The following ADK variants were observed in gnomAD, a reference collection of about 807,000 sequenced individuals.
The protein encoded by ADK is N6,N6-dimethyladenosine kinase.
Under a neutral mutation model 44.7 loss-of-function variants are expected in ADK, and 24 were observed. The ratio of observed to expected loss-of-function variants is 0.54; its 90% CI spans 0.39 to 0.76. ADK has a LOEUF of 0.76. Among genes scored for constraint, ADK ranks in the 30% least tolerant of loss-of-function variants. ADK has a pLI of 0.00. For missense variants in ADK, 321 were observed against 425.1 expected (o/e 0.76, Z 2.15); for synonymous variants, 128 against 142.6 (o/e 0.90, Z 0.73).
chr10:74,217,985 G>A lies in ADK; in HGVS notation c.141-6553G>A, dbSNP rs978735487. ...AGCACCTCTCCTCCTCCAAAGGATC[G>A]CAGTTCCTCACCAGCAATGGAACAA... is the stretch of plus-strand genomic sequence containing the variant. On this transcript the variant is annotated intron_variant, in intron 2 of 10. Transcript: ENST00000539909. 3.7e-4 allele frequency among the ~76,000 whole-genome samples: 57 copies of A among 152,248 alleles called. 2 individuals are homozygous for A. Among genetic ancestry groups the A allele is most frequent in the African/African-American group, 1.3e-3 (56 of 41,520 alleles).
intron 9 of ADK, among the ~76,000 whole-genome samples, chr10:74,603,764 C>G (rs1852224362): frequency 6.6e-6 from 1 of 152,138 alleles, no homozygotes; most frequent in Non-Finnish European, 1.5e-5. Context: ...GGTATATACC[C>G]AGTAATGAGA....
intron 4 of ADK, among the ~76,000 whole-genome samples, chr10:74,357,885 T>G (rs971835369): frequency 6.6e-5 from 10 of 152,178 alleles, no homozygotes; most frequent in African/African-American, 2.2e-4. Context: ...GTGGCGAAAT[T>G]ATATTTATTT....
rs1040474976 is a variant in ADK, at chr10:74,325,738, G to T, written c.273+10993G>T. 2.0e-5 allele frequency among the ~76,000 whole-genome samples: 3 copies of T among 151,990 alleles called. No individual in the cohort carries two copies. In the South Asian group the frequency reaches 6.2e-4, roughly 32 times the overall value. ...CATTTTCTGCATCTATTGAAATATG[G>T]TTTTTTCCTGCATTTAATGTGATAT... is the stretch of plus-strand genomic sequence containing the variant. On this transcript the variant is annotated intron_variant, in intron 4 of 10. Transcript: ENST00000539909.
At chr10:74,241,653 T>G (rs761865598) in intron 3 of ADK, among the ~76,000 whole-genome samples, 2 of 152,182 alleles carry the variant, frequency 1.3e-5, no homozygotes, top group Non-Finnish European at 2.9e-5. Flanking sequence ...CCCAAAGTGC[T>G]GGGATTACAG....
chr10:74,691,385 T>C (rs942391404), intron 10 of ADK, among the ~76,000 whole-genome samples: 1 of 152,230 alleles, frequency 6.6e-6, no homozygotes, highest in African/African-American at 2.4e-5. Context: ...TGATAACTTA[T>C]GTTACTACTC....
chr10:74,271,397 G>A (rs1004105038), intron 3 of ADK, among the ~76,000 whole-genome samples: 1 of 151,008 alleles, frequency 6.6e-6, no homozygotes, highest in Non-Finnish European at 1.5e-5. Flanking sequence ...ATATATTTTT[G>A]TTGTTGTTGT....
intron 5 of ADK, among the ~76,000 whole-genome samples, chr10:74,396,100 G>A (rs567695369): frequency 2.6e-4 from 39 of 152,296 alleles, no homozygotes; most frequent in Non-Finnish European, 5.3e-4. Flanking sequence ...TATGGTTATA[G>A]TGATATTGTT....
At chr10:74,703,665 G>A (rs1179913203) in intron 10 of ADK, among the ~76,000 whole-genome samples, 2 of 152,066 alleles carry the variant, frequency 1.3e-5, no homozygotes, top group Non-Finnish European at 2.9e-5. Context: ...TTCCATAAAG[G>A]ATATTATTGG....
At chr10:74,271,351 A>G (rs1846420873) in intron 3 of ADK, among the ~76,000 whole-genome samples, 1 of 152,068 alleles carries the variant, frequency 6.6e-6, no homozygotes, top group South Asian at 2.1e-4. Context: ...TTAGGGATTA[A>G]AAGTATGTCT....
intron 9 of ADK, among the ~76,000 whole-genome samples, chr10:74,608,883 T>C (rs1265067021): frequency 6.6e-6 from 1 of 151,906 alleles, no homozygotes; most frequent in Non-Finnish European, 1.5e-5. Flanking sequence ...TATAAGCCCC[T>C]GACTGGGGCT....
intron 6 of ADK, among the ~76,000 whole-genome samples, chr10:74,413,786 T>C (rs2132968140): frequency 6.6e-6 from 1 of 152,372 alleles, no homozygotes; most frequent in Non-Finnish European, 1.5e-5. Flanking sequence ...CCTTTCGATA[T>C]GCCTTCCTCA....
chr10:74,468,867 A>G (rs1846451596), intron 6 of ADK, among the ~76,000 whole-genome samples: 1 of 152,194 alleles, frequency 6.6e-6, no homozygotes, highest in Non-Finnish European at 1.5e-5. Flanking sequence ...CAATTAAAGT[A>G]TCTAGTCCAT....
intron 4 of ADK, among the ~76,000 whole-genome samples, chr10:74,315,067 TA>T (rs1436577166): frequency 6.6e-6 from 1 of 152,128 alleles, no homozygotes; most frequent in Non-Finnish European, 1.5e-5. Context: ...TTTTATTTTA[TA>T]AGTTGAAAGT....
intron 4 of ADK, among the ~76,000 whole-genome samples, chr10:74,368,807 T>C (rs1374291817): frequency 6.6e-6 from 1 of 152,118 alleles, no homozygotes; most frequent in Non-Finnish European, 1.5e-5. Flanking sequence ...ATTATATTTT[T>C]AGTAAACATG....
chr10:74,670,301 A>G (rs1347359104), intron 10 of ADK, 32 bp downstream of exon 10: 1 of 1,537,006 alleles, frequency 6.5e-7, no homozygotes, highest in East Asian at 2.3e-5. Context: ...TCTTACTTAC[A>G]AGTAAAACAT....
rs558449488 is a variant in ADK at position 74,514,850 on chromosome 10, G to C, written c.556-10406G>C. On this transcript the variant is annotated intron_variant, in intron 6 of 10. Transcript: ENST00000539909. ...TTTCCTTCTTCTTCTTTTAAGACAA[G>C]TTCTCATTCTGTTGCCCAGGCTGGA... Among the ~76,000 whole-genome samples, 19 of 151,852 alleles carry C rather than the reference G, an allele frequency of 1.3e-4. No individual in the cohort carries two copies. The South Asian group carries it at 3.3e-3, about 27-fold the overall frequency.
intron 9 of ADK, among the ~76,000 whole-genome samples, chr10:74,625,680 A>T (rs1236738594): frequency 6.6e-6 from 1 of 152,196 alleles, no homozygotes; most frequent in East Asian, 1.9e-4. Context: ...CCATGGGGTT[A>T]TAGTGAGACA....
intron 3 of ADK, among the ~76,000 whole-genome samples, chr10:74,258,198 G>C (rs1845898222): frequency 6.6e-6 from 1 of 152,002 alleles, no homozygotes; most frequent in African/African-American, 2.4e-5. Context: ...AATATTATTA[G>C]ATGTATTCTT....
chr10:74,159,772 T>C (rs1448021046), intron 1 of ADK, among the ~76,000 whole-genome samples: 2 of 152,110 alleles, frequency 1.3e-5, no homozygotes, highest in Non-Finnish European at 2.9e-5. Context: ...TTTGTATTTT[T>C]AGTAGAGACA....
Sources: allele counts gnomAD v4.1 joint callset (sites outside exome capture counted in the v4.1 genomes callset), GRCh38; gene constraint gnomAD v4.1.1; transcripts MANE v1.5; gene names NCBI Gene and HGNC (gene_info 2026-07-23, HGNC 2026-07-21).